The following STOX2 variants were observed in gnomAD, a reference collection of about 807,000 sequenced individuals.
STOX2 encodes the protein storkhead-box protein 2.
In STOX2, 28 loss-of-function variants were observed where a neutral mutation model predicts 60.9. The ratio of observed to expected loss-of-function variants is 0.46; its 90% CI spans 0.34 to 0.63. STOX2 has a LOEUF of 0.63. STOX2 is among the 30% of genes least tolerant of loss of function. The pLI is 0.01. For missense variants in STOX2, 1,024 were observed against 1,187.7 expected, an observed-to-expected ratio of 0.86 and a Z score of 2.03; for synonymous variants, 472 against 463.9, an observed-to-expected ratio of 1.02 and a Z score of -0.22.
intron 1 of STOX2, among the ~76,000 whole-genome samples, chr4:183,842,394 C>T (rs1739883531): frequency 6.6e-6 from 1 of 152,174 alleles, no homozygotes; most frequent in Non-Finnish European, 1.5e-5. Context: ...CCTTTAATTA[C>T]CTCCTCAAGT....
At chr4:183,896,359 T>C (rs758382564) in intron 1 of STOX2, among the ~76,000 whole-genome samples, 6 of 152,176 alleles carry the variant, frequency 3.9e-5, no homozygotes, top group Non-Finnish European at 7.3e-5. Flanking sequence ...TATCTTTTTA[T>C]AGAAACAAGA....
intron 1 of STOX2, among the ~76,000 whole-genome samples, chr4:183,938,915 A>G (rs1305584175): frequency 1.3e-5 from 2 of 152,210 alleles, no homozygotes; most frequent in Admixed American, 6.5e-5. Flanking sequence ...ATAGCCTGCT[A>G]ATGAAAATAA....
intron 1 of STOX2, among the ~76,000 whole-genome samples, chr4:183,809,911 T>C (rs750228882): frequency 6.6e-6 from 1 of 152,264 alleles, no homozygotes; most frequent in Non-Finnish European, 1.5e-5. Context: ...TTTTTAAAAG[T>C]TGAATTATGA....
intron 1 of STOX2, among the ~76,000 whole-genome samples, chr4:183,811,376 G>C (rs370484790): frequency 2.6e-5 from 4 of 152,286 alleles, no homozygotes; most frequent in Non-Finnish European, 4.4e-5. Flanking sequence ...CAGAACAAGC[G>C]GCTCCCTCAG....
rs73871348 is a variant in STOX2, at chr4:183,958,987, G to A, written c.167-42338G>A. Among the ~76,000 whole-genome samples the A allele has an allele frequency of 4.1e-3, 621 of 152,118 alleles. 6 individuals are homozygous for A. Among genetic ancestry groups the A allele is most frequent in the African/African-American group, 0.015 (606 of 41,492 alleles). On this transcript the variant is annotated intron_variant, in intron 1 of 3. Coordinates refer to ENST00000308497, the MANE Select transcript of STOX2 (RefSeq NM_020225.3). The stretch of plus-strand genomic sequence containing the variant: ...CTTGAGGACTGAATGCTACAAATCA[G>A]ACAGTCCTGGATTATTTCAGACTGA...
At chr4:183,832,564 C>T (rs188772626) in intron 1 of STOX2, among the ~76,000 whole-genome samples, 4 of 144,308 alleles carry the variant, frequency 2.8e-5, no homozygotes, top group Non-Finnish European at 6.0e-5. Context: ...GATCTCGGCT[C>T]ACTGCAATCT....
chr4:183,872,214 T>C (rs906692842), intron 1 of STOX2, among the ~76,000 whole-genome samples: 3 of 152,002 alleles, frequency 2.0e-5, no homozygotes, highest in Admixed American at 6.6e-5. Flanking sequence ...ACAATCATGC[T>C]CAGGTAATTT....
At chr4:183,808,443 G>A (rs6822649) in intron 1 of STOX2, among the ~76,000 whole-genome samples, 5,915 of 152,150 alleles carry the variant, frequency 0.039, 354 homozygotes, top group African/African-American at 0.14. Flanking sequence ...TTTGTTTTTT[G>A]TTTTGGGGGA....
In STOX2 at chr4:183,833,748, C is replaced by T. The variant is rs369342171; in HGVS notation, c.364+35693C>T. Among the ~76,000 whole-genome samples the T allele has an allele frequency of 2.1e-4, 32 of 150,952 alleles. No individual in the cohort carries two copies. The East Asian group carries it at 3.1e-3, about 15-fold the overall frequency. Reference sequence around the variant, plus strand: ...CTGTAATCCCAGCACTTTGGGAGGCCGAGGCGGGCGGATCACGAGGTCAGG... The same window carrying T: ...CTGTAATCCCAGCACTTTGGGAGGCTGAGGCGGGCGGATCACGAGGTCAGG... On this transcript the variant is annotated intron_variant, in intron 1 of 2. Coordinates refer to the STOX2 transcript ENST00000513034.
intron 1 of STOX2, among the ~76,000 whole-genome samples, chr4:183,876,682 C>T (rs1181471790): frequency 6.6e-6 from 1 of 152,194 alleles, no homozygotes; most frequent in Admixed American, 6.5e-5. Context: ...GGACCCAGCA[C>T]CTCCCCTCCT....
chr4:184,021,499 G>A lies in STOX2; in HGVS notation c.*4215G>A, dbSNP rs1255126730. Reference sequence around the variant, plus strand: ...TTTTACATCTCAGCACACCTTACTGGTATCAATGGATAAAGCGGGTGATTG... The same window carrying A: ...TTTTACATCTCAGCACACCTTACTGATATCAATGGATAAAGCGGGTGATTG... On this transcript the variant is annotated 3_prime_UTR_variant, in exon 4 of 4. Transcript: ENST00000308497. 1 of 151,702 alleles carries A rather than the reference G, an allele frequency of 6.6e-6. No homozygotes were observed. The highest frequency in any genetic ancestry group is 1.5e-5 in the Non-Finnish European group (1 of 67,976). 9.4% of individuals were successfully genotyped at this position (151,702 alleles called of 1,614,324 possible). A position where few individuals can be genotyped will look rare whatever the true frequency, so the allele number is the denominator to read the frequency against.
intron 1 of STOX2, among the ~76,000 whole-genome samples, chr4:183,817,406 G>A (rs760601132): frequency 1.6e-4 from 24 of 152,200 alleles, no homozygotes; most frequent in Non-Finnish European, 3.2e-4. Context: ...GGGAAGTATG[G>A]TTGCCAGACT....
At chr4:183,934,309 A>C (rs1288075919) in intron 1 of STOX2, among the ~76,000 whole-genome samples, 1 of 152,148 alleles carries the variant, frequency 6.6e-6, no homozygotes, top group Admixed American at 6.5e-5. Context: ...TCTCAAAAAA[A>C]TAAAAAATAA....
At chr4:183,943,005 CTGTT>C (rs1742792273) in intron 1 of STOX2, among the ~76,000 whole-genome samples, 1 of 152,152 alleles carries the variant, frequency 6.6e-6, no homozygotes, top group Non-Finnish European at 1.5e-5. Flanking sequence ...TTCTGGAAGA[CTGTT>C]TGAATCTGGG....
At chr4:183,855,309 A>G (rs1167459315) in intron 1 of STOX2, among the ~76,000 whole-genome samples, 1 of 152,286 alleles carries the variant, frequency 6.6e-6, no homozygotes, top group South Asian at 2.1e-4. Flanking sequence ...GCCGTTTTTT[A>G]AATTAATGGT....
At chr4:183,846,897 A>T (rs1404300215) in intron 1 of STOX2, among the ~76,000 whole-genome samples, 2 of 151,728 alleles carry the variant, frequency 1.3e-5, no homozygotes, top group African/African-American at 4.8e-5. Flanking sequence ...ATTCTTTCTG[A>T]TTCTCAGGAC....
chr4:183,913,261 G>A (rs1741834775), intron 1 of STOX2, among the ~76,000 whole-genome samples: 1 of 152,224 alleles, frequency 6.6e-6, no homozygotes, highest in African/African-American at 2.4e-5. Flanking sequence ...CAGAAATAAT[G>A]TGTGGGATCT....
At position 183,827,816 on chromosome 4, in the gene STOX2, C is replaced by T. The variant is rs144442657; in HGVS notation, c.364+29761C>T. ...AGGATTGCTTGAACCCAGTTCAAAG[C>T]TGCAGTGAGCTATGCACACCACTGC... On this transcript the variant is annotated intron_variant, in intron 1 of 2. Transcript: ENST00000513034. Among the ~76,000 whole-genome samples, 450 of 150,034 alleles carry T rather than the reference C, an allele frequency of 3.0e-3. 5 individuals carry two copies. Among genetic ancestry groups the T allele is most frequent in the African/African-American group, 0.011 (441 of 40,768 alleles).
chr4:183,850,944 G>GGATGAGGGAAAC (rs1454729284), intron 1 of STOX2, among the ~76,000 whole-genome samples: 1 of 30,486 alleles, frequency 3.3e-5, no homozygotes, highest in South Asian at 2.1e-3. Flanking sequence ...ATGAGGGAAA[G>GGATGAGGGAAAC]GATGAGGGAA....
Sources: gnomAD v4.1 joint callset for allele counts (sites outside exome capture counted in the v4.1 genomes callset) on GRCh38, gnomAD v4.1.1 for gene constraint, MANE v1.5 for transcripts, NCBI Gene and HGNC (gene_info 2026-07-23, HGNC 2026-07-21) for gene names.